The following TMEFF2 variants were observed in gnomAD, a reference collection of about 807,000 sequenced individuals.
TMEFF2 encodes transmembrane protein with EGF like and two follistatin like domains 2, also known as tomoregulin-2.
A neutral mutation model predicts 53.8 loss-of-function variants in TMEFF2; 28 were observed. The observed-to-expected ratio is 0.52, with a 90% CI of 0.39 to 0.71. TMEFF2 has a LOEUF of 0.71. TMEFF2 is among the 30% of genes least tolerant of loss of function. TMEFF2 has a pLI of 0.00. For synonymous variants in TMEFF2, 162 were observed against 166.3 expected, an observed-to-expected ratio of 0.97 and a Z score of 0.20; for missense variants, 353 against 455.2, an observed-to-expected ratio of 0.78 and a Z score of 2.04.
chr2:192,087,436 G>T (rs1688692443), intron 4 of TMEFF2, among the ~76,000 whole-genome samples: 1 of 152,034 alleles, frequency 6.6e-6, no homozygotes, highest in East Asian at 1.9e-4. Flanking sequence ...TAGCATCCTG[G>T]GTCCCAACAG....
intron 5 of TMEFF2, among the ~76,000 whole-genome samples, chr2:192,011,788 T>A (rs1349002867): frequency 1.3e-5 from 2 of 152,226 alleles, no homozygotes; most frequent in Admixed American, 1.3e-4. Flanking sequence ...ATCTGATTCA[T>A]CTTTACCCAG....
chr2:191,965,961 T>C (rs1438887092), intron 7 of TMEFF2, among the ~76,000 whole-genome samples: 1 of 150,328 alleles, frequency 6.7e-6, no homozygotes, highest in Admixed American at 6.7e-5. Flanking sequence ...GAAACTCCCT[T>C]TTAAAGGCTG....
intron 8 of TMEFF2, among the ~76,000 whole-genome samples, chr2:191,956,022 G>C (rs1383027865): frequency 6.6e-6 from 1 of 152,022 alleles, no homozygotes; most frequent in Non-Finnish European, 1.5e-5. Context: ...TTCTAGAACA[G>C]TTCAGTAATG....
chr2:192,015,963 A>G (rs968277500), intron 5 of TMEFF2, among the ~76,000 whole-genome samples: 20 of 152,360 alleles, frequency 1.3e-4, no homozygotes, highest in African/African-American at 4.6e-4. Context: ...TTCACAGGAC[A>G]AGACACTTAA....
At chr2:192,080,943 G>T (rs1415378440) in intron 4 of TMEFF2, among the ~76,000 whole-genome samples, 1 of 152,004 alleles carries the variant, frequency 6.6e-6, no homozygotes, top group Admixed American at 6.6e-5. Flanking sequence ...ACTATCCTTT[G>T]TGCTTTTATT....
chr2:192,115,817 T>C (rs1689390864), intron 4 of TMEFF2, among the ~76,000 whole-genome samples: 1 of 151,948 alleles, frequency 6.6e-6, no homozygotes, highest in African/African-American at 2.4e-5. Context: ...GGATGGCTAT[T>C]ATAAAAAAGT....
intron 4 of TMEFF2, among the ~76,000 whole-genome samples, chr2:192,064,111 A>G (rs894280904): frequency 2.6e-5 from 4 of 151,636 alleles, no homozygotes; most frequent in African/African-American, 9.7e-5. Flanking sequence ...TCTGTTTCCA[A>G]TTCTTTTTTG....
chr2:191,989,409 C>A (rs1170847348), intron 7 of TMEFF2, among the ~76,000 whole-genome samples: 1 of 152,086 alleles, frequency 6.6e-6, no homozygotes, highest in Non-Finnish European at 1.5e-5. Flanking sequence ...AATTTGAGGG[C>A]AGTGGAATCC....
intron 4 of TMEFF2, among the ~76,000 whole-genome samples, chr2:192,061,538 C>T (rs1337398597): frequency 6.6e-6 from 1 of 152,048 alleles, no homozygotes; most frequent in Non-Finnish European, 1.5e-5. Context: ...CTTGAGCATC[C>T]ACAGATTTTG....
intron 5 of TMEFF2, among the ~76,000 whole-genome samples, chr2:192,049,874 G>A (rs769620697): frequency 4.6e-5 from 7 of 152,064 alleles, no homozygotes; most frequent in African/African-American, 1.7e-4. Flanking sequence ...GGTGGCGACC[G>A]CCTGTAGTCC....
At chr2:192,185,143 C>T (rs906588915) in intron 2 of TMEFF2, among the ~76,000 whole-genome samples, 3 of 151,608 alleles carry the variant, frequency 2.0e-5, no homozygotes, top group Admixed American at 6.6e-5. Context: ...TAAACTTTAC[C>T]GACTATTCCA....
intron 5 of TMEFF2, 127 bp from the exon 6 acceptor site, chr2:191,999,335 C>T (rs1686300909): frequency 1.4e-6 from 1 of 696,534 alleles, no homozygotes; most frequent in South Asian, 4.4e-5. Flanking sequence ...TGTATCCTTC[C>T]AGGGAAGTTC....
chr2:192,137,734 C>A (rs72918176), intron 4 of TMEFF2, among the ~76,000 whole-genome samples: 1 of 149,698 alleles, frequency 6.7e-6, no homozygotes, highest in Non-Finnish European at 1.5e-5. Context: ...GAGTAAAATA[C>A]ATCTATCTAT....
chr2:191,983,356 G>A (rs1017840272), intron 7 of TMEFF2, among the ~76,000 whole-genome samples: 3 of 149,584 alleles, frequency 2.0e-5, no homozygotes, highest in African/African-American at 7.3e-5. Context: ...CACTGTTGCA[G>A]TAGACAGTTT....
At chr2:192,034,196 CTTT>C (rs1007626408) in intron 5 of TMEFF2, among the ~76,000 whole-genome samples, 2 of 149,948 alleles carry the variant, frequency 1.3e-5, no homozygotes, top group Non-Finnish European at 3.0e-5. Context: ...AAAAAAAATC[CTTT>C]TTTTATAAAT....
intron 4 of TMEFF2, among the ~76,000 whole-genome samples, chr2:192,116,546 T>C (rs1689411004): frequency 6.6e-6 from 1 of 152,132 alleles, no homozygotes; most frequent in Admixed American, 6.6e-5. Context: ...GTTAAGTTAG[T>C]ATATTTTGCT....
intron 5 of TMEFF2, among the ~76,000 whole-genome samples, chr2:192,018,499 C>T (rs1686790820): frequency 6.6e-6 from 1 of 152,036 alleles, no homozygotes; most frequent in Admixed American, 6.6e-5. Flanking sequence ...TTTTCTTCCC[C>T]TCATTTTATT....
chr2:192,132,349 T>TA (rs1306424350), intron 4 of TMEFF2, among the ~76,000 whole-genome samples: 1 of 151,904 alleles, frequency 6.6e-6, no homozygotes, highest in Non-Finnish European at 1.5e-5. Context: ...TCATCAAATA[T>TA]AAAAACCCAG....
intron 5 of TMEFF2, among the ~76,000 whole-genome samples, chr2:192,047,409 A>G (rs1221325278): frequency 6.6e-6 from 1 of 152,088 alleles, no homozygotes; most frequent in Non-Finnish European, 1.5e-5. Context: ...TTTTATTACC[A>G]TGGATAATAT....
Sources: allele counts gnomAD v4.1 joint callset (sites outside exome capture counted in the v4.1 genomes callset), GRCh38; gene constraint gnomAD v4.1.1; transcripts MANE v1.5; gene names NCBI Gene and HGNC (gene_info 2026-07-23, HGNC 2026-07-21).